LRP1B: variants seen among roughly 807,000 people sequenced by gnomAD.
LRP1B encodes the protein low-density lipoprotein receptor-related protein 1B.
Under a neutral mutation model 556.6 loss-of-function variants are expected in LRP1B, and 217 were observed. That is an observed-to-expected ratio of 0.39 (90% CI 0.35 to 0.44). LRP1B has a LOEUF of 0.44. LRP1B is among the 20% of genes least tolerant of loss of function. The pLI is 1.00. For synonymous variants in LRP1B, 2,047 were observed against 1,865.8 expected (o/e 1.10, Z -2.50); for missense variants, 5,053 against 5,620.8 (o/e 0.90, Z 3.23).
intron 3 of LRP1B, among the ~76,000 whole-genome samples, chr2:141,305,856 T>C (rs1325711963): frequency 6.6e-6 from 1 of 152,238 alleles, no homozygotes; most frequent in Non-Finnish European, 1.5e-5. Flanking sequence ...ACATAGTTTT[T>C]GCCCTTCATT....
chr2:140,683,334 C>T, intron 41 of LRP1B: 1 of 458,242 alleles, frequency 2.2e-6, no homozygotes, highest in South Asian at 1.9e-5. Context: ...GCCCAACCAC[C>T]TACAAGGCAG....
At chr2:140,354,501 C>T (rs1301307520) in intron 75 of LRP1B, among the ~76,000 whole-genome samples, 1 of 152,078 alleles carries the variant, frequency 6.6e-6, no homozygotes, top group Non-Finnish European at 1.5e-5. Flanking sequence ...TAGAATGCAT[C>T]TTGTCAGTAC....
intron 45 of LRP1B, among the ~76,000 whole-genome samples, chr2:140,540,026 T>C (rs1680074052): frequency 6.6e-6 from 1 of 152,214 alleles, no homozygotes; most frequent in Non-Finnish European, 1.5e-5. Context: ...CTAAAGAAAA[T>C]TATGCCCAAG....
intron 2 of LRP1B, among the ~76,000 whole-genome samples, chr2:141,547,646 T>C (rs1044030496): frequency 2.0e-5 from 3 of 152,192 alleles, no homozygotes; most frequent in African/African-American, 7.2e-5. Context: ...CTTACGTCTC[T>C]GTGCTTTGGT....
At chr2:141,687,779 A>T (rs564520662) in intron 2 of LRP1B, among the ~76,000 whole-genome samples, 1 of 152,044 alleles carries the variant, frequency 6.6e-6, no homozygotes, top group East Asian at 1.9e-4. Flanking sequence ...GAAATAATCA[A>T]TTCTACCAAT....
chr2:142,086,496 T>C (rs551267183), intron 1 of LRP1B, among the ~76,000 whole-genome samples: 22 of 152,112 alleles, frequency 1.4e-4, no homozygotes, highest in Middle Eastern at 3.4e-3. Flanking sequence ...TCCCAGCTAC[T>C]GTGGAGGCTG....
intron 1 of LRP1B, among the ~76,000 whole-genome samples, chr2:141,915,655 G>A (rs565683800): frequency 6.6e-6 from 1 of 152,184 alleles, no homozygotes; most frequent in East Asian, 1.9e-4. Context: ...ACCAACTAAA[G>A]AATGAAAGAA....
At chr2:141,126,533 C>T (rs1008459394) in intron 7 of LRP1B, among the ~76,000 whole-genome samples, 17 of 152,150 alleles carry the variant, frequency 1.1e-4, no homozygotes, top group African/African-American at 4.1e-4. Context: ...ACTCTCAAGC[C>T]TGGAACTTCA....
At chr2:141,392,200 T>C (rs950390454) in intron 3 of LRP1B, among the ~76,000 whole-genome samples, 1 of 152,160 alleles carries the variant, frequency 6.6e-6, no homozygotes, top group East Asian at 1.9e-4. Flanking sequence ...TTAAGTTCTC[T>C]ATATTATTTT....
chr2:140,853,266 A>C (rs936561566), intron 27 of LRP1B, among the ~76,000 whole-genome samples: 14 of 152,152 alleles, frequency 9.2e-5, no homozygotes, highest in Admixed American at 2.6e-4. Context: ...GGGACACAGA[A>C]AAGAATCTGA....
At chr2:140,373,688 C>T (rs1223684732) in intron 68 of LRP1B, among the ~76,000 whole-genome samples, 1 of 152,110 alleles carries the variant, frequency 6.6e-6, no homozygotes, top group Non-Finnish European at 1.5e-5. Flanking sequence ...AGGAGGACTG[C>T]TTGAGTCCAG....
chr2:140,562,030 C>G (rs1680949972), intron 43 of LRP1B, among the ~76,000 whole-genome samples: 1 of 151,796 alleles, frequency 6.6e-6, no homozygotes, highest in Non-Finnish European at 1.5e-5. Context: ...AAAATTTAAC[C>G]CTGATTCATG....
chr2:140,961,375 G>T (rs1003004295), intron 18 of LRP1B, among the ~76,000 whole-genome samples: 1 of 151,830 alleles, frequency 6.6e-6, no homozygotes, highest in Non-Finnish European at 1.5e-5. Context: ...CAAAGCAGTC[G>T]CAATAGCTTC....
intron 2 of LRP1B, among the ~76,000 whole-genome samples, chr2:141,670,148 A>G (rs1449561523): frequency 6.6e-6 from 1 of 152,096 alleles, no homozygotes; most frequent in South Asian, 2.1e-4. Context: ...GACTGCACAC[A>G]TTTTTATTTT....
chr2:140,814,731 TG>T (rs1691049122), intron 31 of LRP1B, among the ~76,000 whole-genome samples: 1 of 152,178 alleles, frequency 6.6e-6, no homozygotes, highest in Non-Finnish European at 1.5e-5. Context: ...GCTCATTTGG[TG>T]GTTGATATGG....
intron 32 of LRP1B, among the ~76,000 whole-genome samples, chr2:140,798,559 T>C (rs1165136340): frequency 3.9e-5 from 6 of 152,140 alleles, no homozygotes; most frequent in Admixed American, 6.6e-5. Flanking sequence ...CTATGAAGGT[T>C]AGAAGGGGTA....
intron 47 of LRP1B, among the ~76,000 whole-genome samples, chr2:140,527,432 A>G (rs1367352210): frequency 6.6e-6 from 1 of 151,970 alleles, no homozygotes; most frequent in Non-Finnish European, 1.5e-5. Context: ...TTAAAATGCT[A>G]TTTTAAAATA....
intron 2 of LRP1B, among the ~76,000 whole-genome samples, chr2:141,644,785 A>AC (rs1553441243): frequency 6.8e-6 from 1 of 147,830 alleles, no homozygotes; most frequent in Non-Finnish European, 1.5e-5. Context: ...ACACACACAC[A>AC]ACACACACAC....
chr2:141,653,337 A>G (rs1178864747), intron 2 of LRP1B, among the ~76,000 whole-genome samples: 1 of 152,194 alleles, frequency 6.6e-6, no homozygotes, highest in African/African-American at 2.4e-5. Context: ...TTCAATGGGA[A>G]CTAGAGACTG....
Sources: allele counts gnomAD v4.1 joint callset (sites outside exome capture counted in the v4.1 genomes callset), GRCh38; gene constraint gnomAD v4.1.1; transcripts MANE v1.5; gene names NCBI Gene and HGNC (gene_info 2026-07-23, HGNC 2026-07-21).